Variants in BCL7A observed in about 807,000 individuals in gnomAD.
The protein encoded by BCL7A is BAF chromatin remodeling complex subunit BCL7A, also known as B-cell CLL/lymphoma 7 protein family member A.
Under a neutral mutation model 28.4 loss-of-function variants are expected in BCL7A, and 11 were observed. The observed-to-expected ratio is 0.39, with a 90% CI of 0.24 to 0.64. BCL7A has a LOEUF of 0.64. Among genes scored for constraint, BCL7A ranks in the 30% least tolerant of loss-of-function variants. BCL7A has a pLI of 0.50. For missense variants in BCL7A, 222 were observed against 274.8 expected (o/e 0.81, Z 1.36); for synonymous variants, 123 against 103.3 (o/e 1.19, Z -1.15).
Position 122,044,000 on chromosome 12 carries a change from A to T in BCL7A, c.386A>T (p.Glu129Val), listed in dbSNP as rs1472421253. ...PNSAVPSDGT[E>V]AKVDEAQADG... ...TCGGCTGTGCCCAGCGACGGCACCG[A>T]GGCCAAGGTGGATGAGGCCCAGGCT... The change falls in exon 4 of 6, where the codon GAG (glutamate) becomes GTG (valine). Residue 129 changes from glutamate to valine, a missense_variant. Glu to Val is a moderately radical substitution (Grantham distance 121). Coordinates refer to ENST00000261822, the MANE Select transcript of BCL7A (RefSeq NM_001024808.3). 1.9e-6 allele frequency: 3 copies of T among 1,613,990 alleles called. No homozygotes were observed. In the South Asian group the frequency reaches 3.3e-5, roughly 18 times the overall value.
In BCL7A at chr12:122,060,890, A is replaced by AG; in HGVS notation, c.*1730dup. 4.5e-6 allele frequency: 1 copy of AG among 224,572 alleles called. No individual in the cohort carries two copies. The highest frequency in any genetic ancestry group is 6.5e-5 in the East Asian group (1 of 15,354). The allele number at this position is 224,572 out of a possible 1,614,324, so 13.9% of individuals were successfully genotyped here. ...CTCATGCAAAATGTCTCCTGAAATA[A>AG]GGGAAAAAAAAAAAACCACAACTTT... On this transcript the variant is annotated 3_prime_UTR_variant, in exon 6 of 6. Coordinates refer to ENST00000261822, the MANE Select transcript of BCL7A (RefSeq NM_001024808.3).
Position 122,022,078 on chromosome 12 carries a change from TCC to T in BCL7A, c.-11_-10del. ...GCGGGCGCGCTCCCCAGCCTCCGTC[TCC>T]CCGCCGGAACCATGTCGGGCAGGTC... On this transcript the variant is annotated 5_prime_UTR_variant, in exon 1 of 6. Transcript: ENST00000261822. 6.5e-7 allele frequency: 1 copy of T among 1,542,516 alleles called. No individual in the cohort carries two copies. Among genetic ancestry groups the T allele is most frequent in the Non-Finnish European group, 8.7e-7 (1 of 1,143,428 alleles).
chr12:122,035,210 C>G (rs905403392), intron 2 of BCL7A, 121 bp from the exon 3 acceptor site: 86 of 862,622 alleles, frequency 1.0e-4, no homozygotes, highest in South Asian at 8.2e-4. Context: ...CCTCCAGAGG[C>G]CTGGGGGCTC....
chr12:122,037,248 CA>C (rs1883875075), intron 3 of BCL7A, among the ~76,000 whole-genome samples: 1 of 152,238 alleles, frequency 6.6e-6, no homozygotes, highest in Non-Finnish European at 1.5e-5. Flanking sequence ...CAAGAGCCTG[CA>C]ACCCCTGCCT....
At chr12:122,022,513 G>T (rs1290333870) in intron 1 of BCL7A, among the ~76,000 whole-genome samples, 1 of 143,162 alleles carries the variant, frequency 7.0e-6, no homozygotes, top group Non-Finnish European at 1.5e-5. Context: ...GGGGCTCGGG[G>T]CCGGCCCCAG....
chr12:122,048,055 C>A (rs922217194), intron 4 of BCL7A, among the ~76,000 whole-genome samples: 42 of 151,906 alleles, frequency 2.8e-4, no homozygotes, highest in African/African-American at 1.0e-3. Context: ...AGGCATGCAC[C>A]CCCACACCCG....
chr12:122,023,428 T>A (rs1883523313), intron 1 of BCL7A, among the ~76,000 whole-genome samples: 2 of 152,082 alleles, frequency 1.3e-5, no homozygotes, highest in Admixed American at 6.5e-5. Flanking sequence ...CCTCGGTCTC[T>A]AAAAGCCACT....
intron 4 of BCL7A, among the ~76,000 whole-genome samples, chr12:122,049,037 T>A (rs71456723): frequency 0.024 from 1,058 of 43,214 alleles, 14 homozygotes; most frequent in African/African-American, 0.052. Flanking sequence ...AAAAAAAAAA[T>A]ATATATATAT....
At chr12:122,054,719 A>T in intron 4 of BCL7A, 86 bp from the exon 5 acceptor site, 2 of 1,383,468 alleles carry the variant, frequency 1.4e-6, no homozygotes, top group South Asian at 2.6e-5. Context: ...AAACTACCCG[A>T]TTCAAGGTAT....
chr12:122,055,088 T>C (rs2135860941), intron 5 of BCL7A, 162 bp downstream of exon 5: 1 of 1,426,584 alleles, frequency 7.0e-7, no homozygotes, highest in Non-Finnish European at 9.5e-7. Flanking sequence ...AACACAGTCC[T>C]GGGCTCTGCC....
chr12:122,022,548 A>G (rs2135833300), intron 1 of BCL7A, among the ~76,000 whole-genome samples: 1 of 142,710 alleles, frequency 7.0e-6, no homozygotes, highest in African/African-American at 2.5e-5. Context: ...TGTGCAAGTC[A>G]CATGAAAGCG....
Position 122,030,856 on chromosome 12 carries a change from C to T in BCL7A, c.174+75C>T, listed in dbSNP as rs1271990335. ...TCCCACCATGGGGAGGGAGATTGTC[C>T]ACTGCTACCCACCGTGCTGGGGCTC... On this transcript the variant is annotated intron_variant, in intron 2 of 5. Coordinates refer to ENST00000261822, the MANE Select transcript of BCL7A (RefSeq NM_001024808.3). 2.5e-5 allele frequency: 35 copies of T among 1,421,408 alleles called. No homozygotes were observed. The South Asian group carries it at 3.9e-4, about 16-fold the overall frequency. 88.0% of individuals were successfully genotyped at this position (1,421,408 alleles called of 1,614,324 possible). A position where few individuals can be genotyped will look rare whatever the true frequency, so the allele number is the denominator to read the frequency against.
chr12:122,029,827 C>A lies in BCL7A; in HGVS notation c.93-873C>A, dbSNP rs935411743. ...AAGTCGGAGTGCAGGGGGTCAAGGA[C>A]AGGAGGTGGCTGGCTGTAGCAATAA... On this transcript the variant is annotated intron_variant, in intron 1 of 5. Transcript: ENST00000261822. This position sits in a 1 kb window ranked among gnomAD's most constrained non-coding sequence, Gnocchi z 4.3. Among the ~76,000 whole-genome samples, 2 of 152,020 alleles carry A rather than the reference C, an allele frequency of 1.3e-5. No homozygotes were observed. Among genetic ancestry groups the A allele is most frequent in the African/African-American group, 4.8e-5 (2 of 41,384 alleles).
At chr12:122,046,939 T>TGTC (rs1245042370) in intron 4 of BCL7A, among the ~76,000 whole-genome samples, 2 of 151,510 alleles carry the variant, frequency 1.3e-5, no homozygotes, top group Admixed American at 1.3e-4. Flanking sequence ...AGTCTTGCTC[T>TGTC]GTCGCCCAGG....
intron 1 of BCL7A, among the ~76,000 whole-genome samples, chr12:122,025,223 T>G (rs1883593547): frequency 6.6e-6 from 1 of 151,686 alleles, no homozygotes; most frequent in African/African-American, 2.4e-5. Flanking sequence ...GGAGGCCCGC[T>G]GCGGTGGCTC....
Position 122,022,177 on chromosome 12 carries a change from G to T in BCL7A, c.86G>T (p.Arg29Leu), listed in dbSNP as rs1883477579. 1 of 1,535,058 alleles carries T rather than the reference G, an allele frequency of 6.5e-7. No homozygotes were observed. Among genetic ancestry groups the T allele is most frequent in the Admixed American group, 1.9e-5 (1 of 53,668 alleles). ...GTCATGGCGGCGATCGAGAAAGTGC[G>T]CAAATGGTAAGCGGAGGCGCCCGCC... is the stretch of plus-strand genomic sequence containing the variant. Reference protein sequence around the residue: ...KRVMAAIEKVRKWEKKWVTVG... With the variant: ...KRVMAAIEKVLKWEKKWVTVG... The change falls in exon 1 of 6, where the codon CGC becomes CTC. Residue 29 changes from arginine (R) to leucine (L), a missense_variant. By Grantham distance (102) the Arg-to-Leu change is moderately radical. This residue lies in a region of BCL7A where 67 missense variants were observed against 129.1 expected (regional missense o/e 0.52). Coordinates refer to ENST00000261822, the MANE Select transcript of BCL7A (RefSeq NM_001024808.3).
chr12:122,027,584 T>C (rs569203355), intron 1 of BCL7A, among the ~76,000 whole-genome samples: 11 of 151,672 alleles, frequency 7.3e-5, no homozygotes, highest in Non-Finnish European at 1.3e-4. Flanking sequence ...ATACCTGTAA[T>C]TCCAGCACTT....
Position 122,043,970 on chromosome 12 carries a change from C to G in BCL7A, c.356C>G (p.Pro119Arg), listed in dbSNP as rs1411478577. 6.2e-7 allele frequency: 1 copy of G among 1,614,004 alleles called. No individual in the cohort carries two copies. The change falls in exon 4 of 6, where the codon CCC becomes CGC. Residue 119 changes from proline (P) to arginine (R), a missense_variant. Around this residue, in one of 2 missense-constraint regions of BCL7A, gnomAD observed 155 missense variants for 145.7 expected, o/e 1.06. Coordinates refer to ENST00000261822, the MANE Select transcript of BCL7A (RefSeq NM_001024808.3). ...NSSNSSPAPEPNSAVPSDGTE... is the reference protein window; with the variant it reads ...NSSNSSPAPERNSAVPSDGTE... The stretch of plus-strand genomic sequence containing the variant: ...AGCAACTCCAGCCCCGCTCCAGAGC[C>G]CAACTCGGCTGTGCCCAGCGACGGC...
chr12:122,028,201 G>A (rs7978386), intron 1 of BCL7A, among the ~76,000 whole-genome samples: 22,431 of 152,152 alleles, frequency 0.15, 4,064 homozygotes, highest in African/African-American at 0.43. Flanking sequence ...TCTCATCACT[G>A]GGGTAACTTG....
Sources: gnomAD v4.1 joint callset for allele counts (sites outside exome capture counted in the v4.1 genomes callset) on GRCh38, gnomAD v4.1.1 for gene constraint, gnomAD v4.1.1 regional missense constraint, Gnocchi (gnomAD v3.1) non-coding constraint, MANE v1.5 for transcripts, NCBI Gene and HGNC (gene_info 2026-07-23, HGNC 2026-07-21) for gene names.